Variants in AFDN observed in about 807,000 individuals in gnomAD.
AFDN encodes the protein afadin.
AFDN carries 68 observed loss-of-function variants against 216.6 expected under a neutral mutation model. That is an observed-to-expected ratio of 0.31 (90% CI 0.26 to 0.38). The LOEUF is 0.38. AFDN is among the 10% of genes least tolerant of loss of function. AFDN has a pLI of 1.00. For missense variants in AFDN, 2,136 were observed against 2,342.0 expected (o/e 0.91, Z 1.82); for synonymous variants, 868 against 853.7 (o/e 1.02, Z -0.29).
chr6:167,881,540 AG>A (rs1363650760), intron 6 of AFDN, among the ~76,000 whole-genome samples: 1 of 152,190 alleles, frequency 6.6e-6, no homozygotes, highest in Non-Finnish European at 1.5e-5. Context: ...TCCCAGCCCC[AG>A]GAAGACTCAG....
intron 1 of AFDN, among the ~76,000 whole-genome samples, chr6:167,858,469 TTTC>T (rs1274510096): frequency 6.6e-6 from 1 of 152,216 alleles, no homozygotes; most frequent in Admixed American, 6.5e-5. Flanking sequence ...TTTTGTTAGT[TTTC>T]TTAAGTCCAG....
At chr6:167,943,283 T>C in intron 24 of AFDN, 89 bp downstream of exon 24, 1 of 1,411,600 alleles carries the variant, frequency 7.1e-7, no homozygotes, top group South Asian at 1.2e-5. Context: ...TCTAGTTATG[T>C]AGCACTATAG....
intron 10 of AFDN, among the ~76,000 whole-genome samples, chr6:167,897,385 C>CTTAT (rs1243168496): frequency 6.6e-6 from 1 of 152,178 alleles, no homozygotes; most frequent in African/African-American, 2.4e-5. Flanking sequence ...TAAAACAGAG[C>CTTAT]TTAACACATT....
At chr6:167,924,960 A>G in intron 22 of AFDN, 45 bp from the exon 23 acceptor site, 7 of 1,332,304 alleles carry the variant, frequency 5.3e-6, no homozygotes, top group Non-Finnish European at 7.6e-6. Context: ...ATACAGAAGC[A>G]CTTCCATTTC....
chr6:167,846,086 A>G (rs550209190), intron 1 of AFDN, among the ~76,000 whole-genome samples: 1 of 152,028 alleles, frequency 6.6e-6, no homozygotes, highest in Non-Finnish European at 1.5e-5. Flanking sequence ...GGGGATTATG[A>G]TTCGAGATGA....
chr6:167,833,729 C>T (rs1016108423), intron 1 of AFDN, among the ~76,000 whole-genome samples: 2 of 152,068 alleles, frequency 1.3e-5, no homozygotes, highest in Admixed American at 6.6e-5. Context: ...TCTTTGACTT[C>T]GGTTCTGTAT....
At chr6:167,858,372 T>G (rs914144374) in intron 1 of AFDN, among the ~76,000 whole-genome samples, 1 of 152,250 alleles carries the variant, frequency 6.6e-6, no homozygotes, top group Admixed American at 6.5e-5. Flanking sequence ...TTGTTTTATT[T>G]ATAACATTTA....
intron 6 of AFDN, among the ~76,000 whole-genome samples, chr6:167,881,320 C>A (rs1289783848): frequency 6.6e-6 from 1 of 152,136 alleles, no homozygotes; most frequent in African/African-American, 2.4e-5. Context: ...TCAACTTTAG[C>A]TGACAGTAGA....
intron 1 of AFDN, among the ~76,000 whole-genome samples, chr6:167,850,025 T>C (rs963946833): frequency 1.3e-5 from 2 of 152,156 alleles, no homozygotes; most frequent in African/African-American, 4.8e-5. Context: ...CTGTAGTCAT[T>C]TGGTAATGCA....
intron 1 of AFDN, among the ~76,000 whole-genome samples, chr6:167,830,933 C>CTTTTTTTT (rs71681602): frequency 3.8e-5 from 3 of 79,320 alleles, no homozygotes; most frequent in Admixed American, 2.0e-4. Flanking sequence ...ATATTTGAAA[C>CTTTTTTTT]TTTTTTTTTT....
intron 5 of AFDN, among the ~76,000 whole-genome samples, chr6:167,878,294 T>C (rs1177184216): frequency 4.6e-4 from 70 of 152,308 alleles, no homozygotes; most frequent in Non-Finnish European, 8.8e-5. Flanking sequence ...ATATAGATGT[T>C]ACTGCAGTCT....
intron 1 of AFDN, among the ~76,000 whole-genome samples, chr6:167,838,096 A>G (rs573103396): frequency 2.8e-4 from 42 of 152,346 alleles, no homozygotes; most frequent in African/African-American, 9.9e-4. Flanking sequence ...GACACATGCC[A>G]TATTTTATTT....
At chr6:167,878,353 C>G (rs543868258) in intron 5 of AFDN, among the ~76,000 whole-genome samples, 2 of 151,962 alleles carry the variant, frequency 1.3e-5, no homozygotes, top group Non-Finnish European at 2.9e-5. Flanking sequence ...TTGTGAATTA[C>G]TTGAGGTCTG....
chr6:167,918,566 GT>G (rs1333673068), intron 20 of AFDN, among the ~76,000 whole-genome samples, 168 bp from the exon 21 acceptor site: 2 of 152,106 alleles, frequency 1.3e-5, no homozygotes, highest in Non-Finnish European at 2.9e-5. Flanking sequence ...GATGATGGGG[GT>G]ACTCCTGGGA....
chr6:167,952,348 G>C, intron 30 of AFDN, 161 bp downstream of exon 30: 7 of 1,506,528 alleles, frequency 4.6e-6, no homozygotes, highest in Non-Finnish European at 6.2e-6. Flanking sequence ...TGATGTCGTA[G>C]AGAAATGAGT....
intron 32 of AFDN, 25 bp downstream of exon 32, chr6:167,966,070 G>C (rs752892439): frequency 1.6e-5 from 25 of 1,539,776 alleles, no homozygotes; most frequent in Non-Finnish European, 2.2e-5. Context: ...TCCAGCACAA[G>C]AAAGTCTCAT....
At chr6:167,882,238 TA>T (rs2128302096) in intron 6 of AFDN, among the ~76,000 whole-genome samples, 1 of 151,640 alleles carries the variant, frequency 6.6e-6, no homozygotes, top group African/African-American at 2.4e-5. Flanking sequence ...AAATAAGCGA[TA>T]GAGGGGGGAA....
rs111403789 is a variant in AFDN, at chr6:167,864,485, A to T, written c.106-66A>T. The T allele has an allele frequency of 2.4e-4, 336 of 1,420,744 alleles. 3 individuals are homozygous for T. The African/African-American group carries it at 4.4e-3, about 18-fold the overall frequency. The allele number at this position is 1,420,744 out of a possible 1,614,324, so 88.0% of individuals were successfully genotyped here. ...AAGTGAACAGACTTCCTCATTTATT[A>T]TTACAAAAAGTGAATCCTTTTCAGA... On this transcript the variant is annotated intron_variant, in intron 1 of 33. Coordinates refer to ENST00000683244, the MANE Select transcript of AFDN (RefSeq NM_001386888.1).
At chr6:167,903,717 C>A (rs915921201) in intron 12 of AFDN, among the ~76,000 whole-genome samples, 8 of 151,964 alleles carry the variant, frequency 5.3e-5, no homozygotes, top group Non-Finnish European at 1.0e-4. Flanking sequence ...CTGTTTGCTA[C>A]ACAGCTTCTT....
Sources: allele counts gnomAD v4.1 joint callset (sites outside exome capture counted in the v4.1 genomes callset), GRCh38; gene constraint gnomAD v4.1.1; transcripts MANE v1.5; gene names NCBI Gene and HGNC (gene_info 2026-07-23, HGNC 2026-07-21).